PHACTR4: variants seen among roughly 807,000 people sequenced by gnomAD.
PHACTR4 encodes the protein phosphatase and actin regulator 4.
In PHACTR4, 51 loss-of-function variants were observed where a neutral mutation model predicts 72.7. The ratio of observed to expected loss-of-function variants is 0.70; its 90% confidence interval spans 0.56 to 0.89. PHACTR4 has a LOEUF of 0.89. PHACTR4 is among the 40% of genes least tolerant of loss of function. The pLI, the probability that PHACTR4 is intolerant of heterozygous loss-of-function variation, is 0.00. For missense variants in PHACTR4, 731 were observed against 861.8 expected (o/e 0.85, Z 1.90); for synonymous variants, 255 against 302.5 (o/e 0.84, Z 1.63).
intron 2 of PHACTR4, chr1:28,457,344 C>T (rs565057083): frequency 1.3e-4 from 56 of 444,562 alleles, no homozygotes; most frequent in South Asian, 9.0e-4. Flanking sequence ...CCTTTAATCC[C>T]AGTGCTTTTG....
chr1:28,476,622 C>A (rs566663356), intron 8 of PHACTR4, among the ~76,000 whole-genome samples: 2 of 150,460 alleles, frequency 1.3e-5, no homozygotes, highest in Non-Finnish European at 3.0e-5. Context: ...CTCACTGTAG[C>A]CTCCAACTCC....
chr1:28,373,890 A>G (rs1651444399), intron 1 of PHACTR4, among the ~76,000 whole-genome samples: 1 of 152,216 alleles, frequency 6.6e-6, no homozygotes, highest in South Asian at 2.1e-4. Context: ...AGGAAATATC[A>G]GAGTAAACCA....
intron 1 of PHACTR4, among the ~76,000 whole-genome samples, chr1:28,373,992 A>G (rs1325142030): frequency 1.3e-5 from 2 of 152,252 alleles, no homozygotes; most frequent in African/African-American, 4.8e-5. Context: ...TAAAATCTAA[A>G]TATTGGAGAA....
intron 2 of PHACTR4, among the ~76,000 whole-genome samples, chr1:28,448,190 A>G (rs1451947546): frequency 6.6e-6 from 1 of 152,144 alleles, no homozygotes. Context: ...TGAAGTATGT[A>G]TACCTTGTTG....
chr1:28,375,325 AC>A lies in PHACTR4; in HGVS notation c.-39+5507del, dbSNP rs1291909746. Among the ~76,000 whole-genome samples the A allele has an allele frequency of 0.025, 667 of 26,990 alleles. 26 individuals carry two copies. In the East Asian group the frequency reaches 0.28, roughly 11 times the overall value. 17.7% of individuals were successfully genotyped at this position (26,990 alleles called of 152,430 possible). Reference sequence around the variant, plus strand: ...CCACCACCCCTGCCCGCCCCCACCCACCCCCCCAAAAAAAAAACAAAAGAAA... The same window carrying A: ...CCACCACCCCTGCCCGCCCCCACCCACCCCCCAAAAAAAAAACAAAAGAAA... On this transcript the variant is annotated intron_variant, in intron 1 of 13. Coordinates refer to ENST00000373839, the MANE Select transcript of PHACTR4 (RefSeq NM_001048183.3).
intron 2 of PHACTR4, among the ~76,000 whole-genome samples, chr1:28,410,578 G>A (rs576844434): frequency 6.6e-6 from 1 of 152,316 alleles, no homozygotes; most frequent in East Asian, 1.9e-4. Context: ...GTATCAACGT[G>A]AGAGTTGCTA....
At chr1:28,421,497 A>G (rs909295691) in intron 2 of PHACTR4, among the ~76,000 whole-genome samples, 69 of 151,288 alleles carry the variant, frequency 4.6e-4, no homozygotes, top group African/African-American at 1.6e-3. Flanking sequence ...CCTTTTTACT[A>G]TTGCATAAAA....
intron 2 of PHACTR4, among the ~76,000 whole-genome samples, chr1:28,439,816 TCTC>T (rs372013401): frequency 1.3e-5 from 2 of 152,176 alleles, no homozygotes; most frequent in African/African-American, 4.8e-5. Context: ...GGCTGTAAAT[TCTC>T]CTGTGGTTTC....
intron 1 of PHACTR4, among the ~76,000 whole-genome samples, chr1:28,371,909 G>C (rs1380855392): frequency 6.6e-6 from 1 of 151,758 alleles, no homozygotes; most frequent in East Asian, 1.9e-4. Flanking sequence ...TTTTGAGATA[G>C]AGTCTTGCTC....
intron 9 of PHACTR4, among the ~76,000 whole-genome samples, chr1:28,484,724 T>C (rs868737822): frequency 4.6e-5 from 7 of 151,748 alleles, no homozygotes; most frequent in African/African-American, 1.7e-4. Context: ...TCCCAGCACT[T>C]TGGGAGGCCG....
intron 2 of PHACTR4, among the ~76,000 whole-genome samples, chr1:28,413,959 G>C (rs1291402953): frequency 6.6e-6 from 1 of 152,148 alleles, no homozygotes; most frequent in Non-Finnish European, 1.5e-5. Context: ...CACTGTGTTT[G>C]GATGGTAAGG....
intron 1 of PHACTR4, among the ~76,000 whole-genome samples, chr1:28,391,849 T>G (rs1653071902): frequency 6.6e-6 from 1 of 151,994 alleles, no homozygotes; most frequent in Admixed American, 6.6e-5. Context: ...TCAGGTGATC[T>G]GCCTGCCTAA....
At chr1:28,394,079 AG>A (rs1423716231) in intron 1 of PHACTR4, among the ~76,000 whole-genome samples, 6 of 152,152 alleles carry the variant, frequency 3.9e-5, no homozygotes, top group Non-Finnish European at 5.9e-5. Flanking sequence ...TTCTAGAAGA[AG>A]GCACTGTTAT....
At chr1:28,485,054 G>A (rs1660545609) in intron 9 of PHACTR4, among the ~76,000 whole-genome samples, 1 of 152,142 alleles carries the variant, frequency 6.6e-6, no homozygotes, top group African/African-American at 2.4e-5. Context: ...TAACAACATA[G>A]TCAAACCTTG....
At chr1:28,480,737 C>A in intron 9 of PHACTR4, 133 bp downstream of exon 9, 1 of 1,222,028 alleles carries the variant, frequency 8.2e-7, no homozygotes, top group Non-Finnish European at 1.2e-6. Context: ...GTCACCCAGG[C>A]TGGAGTAGTG....
intron 2 of PHACTR4, among the ~76,000 whole-genome samples, chr1:28,430,105 C>T (rs941789398): frequency 2.0e-5 from 3 of 152,008 alleles, no homozygotes; most frequent in Non-Finnish European, 4.4e-5. Context: ...TTACTGCAAG[C>T]TCCGTCTCCC....
At chr1:28,388,023 C>T (rs1181049599) in intron 1 of PHACTR4, among the ~76,000 whole-genome samples, 3 of 152,004 alleles carry the variant, frequency 2.0e-5, no homozygotes, top group Non-Finnish European at 2.9e-5. Context: ...CCACCATGCC[C>T]GGCCTTTGTT....
At chr1:28,378,065 T>C (rs182710750) in intron 1 of PHACTR4, among the ~76,000 whole-genome samples, 1,544 of 147,256 alleles carry the variant, frequency 0.01, 31 homozygotes, top group African/African-American at 0.037. Flanking sequence ...GGCATGGTGG[T>C]GGGTGCCTGT....
At chr1:28,485,602 A>G (rs1660589990) in intron 9 of PHACTR4, among the ~76,000 whole-genome samples, 1 of 142,982 alleles carries the variant, frequency 7.0e-6, no homozygotes, top group Non-Finnish European at 1.5e-5. Context: ...CAATCAGTCA[A>G]TAGTTAATAC....
Sources: allele counts gnomAD v4.1 joint callset (sites outside exome capture counted in the v4.1 genomes callset), GRCh38; gene constraint gnomAD v4.1.1; transcripts MANE v1.5; gene names NCBI Gene and HGNC (gene_info 2026-07-23, HGNC 2026-07-21).